TTF2: variants seen among roughly 807,000 people sequenced by gnomAD.
TTF2 encodes the protein transcription termination factor 2, also known as RNA polymerase II termination factor.
TTF2 carries 108 observed loss-of-function variants against 142.4 expected under a neutral mutation model. That is an observed-to-expected ratio of 0.76 (90% CI 0.65 to 0.89). TTF2 has a LOEUF of 0.89. TTF2 is among the 40% of genes least tolerant of loss of function. The pLI is 0.00. For missense variants in TTF2, 1,327 were observed against 1,379.8 expected (o/e 0.96, Z 0.61); for synonymous variants, 483 against 506.2 (o/e 0.95, Z 0.61).
In TTF2 at chr1:117,102,765, G is replaced by A. The variant is rs1365165847; in HGVS notation, c.*1241G>A. On this transcript the variant is annotated 3_prime_UTR_variant, in exon 23 of 23. Coordinates refer to ENST00000369466, the MANE Select transcript of TTF2 (RefSeq NM_003594.4). ...CAATCCAATACTAATAATACTATTG[G>A]TACAATCCAATACTAATAATACTAT... 6.7e-6 allele frequency: 1 copy of A among 150,316 alleles called. No homozygotes were observed. Among genetic ancestry groups the A allele is most frequent in the African/African-American group, 2.5e-5 (1 of 39,972 alleles). 9.3% of individuals were successfully genotyped at this position (150,316 alleles called of 1,614,324 possible). A position where few individuals can be genotyped will look rare whatever the true frequency, so the allele number is the denominator to read the frequency against.
chr1:117,101,040 C>T lies in TTF2; in HGVS notation c.3345-340C>T, dbSNP rs559804777. On this transcript the variant is annotated intron_variant, in intron 22 of 22. Coordinates refer to ENST00000369466, the MANE Select transcript of TTF2 (RefSeq NM_003594.4). The surrounding 1 kb of genome is among the most constrained non-coding windows in gnomAD (Gnocchi z 5.9). ...CTTAAACTAGCAGAAATTTGATAAC[C>T]TTTGAGGCCTTATGGACTTACCAAG... Among the ~76,000 whole-genome samples the T allele has an allele frequency of 8.7e-4, 132 of 152,268 alleles. No homozygotes were observed. The Middle Eastern group carries it at 0.014, about 16-fold the overall frequency.
Position 117,090,612 on chromosome 1 carries a change from T to G in TTF2, c.2577T>G (p.Phe859Leu), listed in dbSNP as rs569878585. The G allele has an allele frequency of 6.2e-7, 1 of 1,613,960 alleles. No homozygotes were observed. The highest frequency in any genetic ancestry group is 1.1e-5 in the South Asian group (1 of 91,018). ...AAGAGACTGTTTACAATGTGTTTTT[T>G]GCAAGATCAAGGTGTGTGTATTAAA... ...EDEETVYNVF[F>L]ARSRSALQSY... Residue 859 changes from phenylalanine (F) to leucine (L), a missense_variant, in exon 15 of 23, where the codon TTT (phenylalanine) becomes TTG (leucine). Coordinates refer to ENST00000369466, the MANE Select transcript of TTF2 (RefSeq NM_003594.4). This position sits in a 1 kb window ranked among gnomAD's most constrained non-coding sequence, Gnocchi z 4.8.
intron 10 of TTF2, 80 bp downstream of exon 10, chr1:117,082,027 A>T: frequency 1.9e-6 from 3 of 1,600,710 alleles, no homozygotes; most frequent in Non-Finnish European, 2.6e-6. Context: ...CAGCTAAAAA[A>T]GGACACCTTT....
At position 117,080,308 on chromosome 1, in the gene TTF2, G is replaced by A. The variant is rs746815981; in HGVS notation, c.1783+659G>A. 3.3e-5 allele frequency among the ~76,000 whole-genome samples: 5 copies of A among 151,930 alleles called. No homozygotes were observed. The highest frequency in any genetic ancestry group is 5.9e-5 in the Non-Finnish European group (4 of 67,956). On this transcript the variant is annotated intron_variant, in intron 9 of 22. Coordinates refer to ENST00000369466, the MANE Select transcript of TTF2 (RefSeq NM_003594.4). The surrounding 1 kb of genome is among the most constrained non-coding windows in gnomAD (Gnocchi z 4.3). ...ATTACAGGCATGAGCCACTACACCTGGCCTAAAAGTAGTCTATAAAAAGCA... is the reference window on the plus strand; with the variant it reads ...ATTACAGGCATGAGCCACTACACCTAGCCTAAAAGTAGTCTATAAAAAGCA...
chr1:117,088,460 C>A (rs1246501078), intron 12 of TTF2, among the ~76,000 whole-genome samples: 2 of 152,154 alleles, frequency 1.3e-5, no homozygotes, highest in Non-Finnish European at 2.9e-5. Flanking sequence ...TGGCGTGAAG[C>A]CCGGAGGCGG....
At position 117,090,217 on chromosome 1, in the gene TTF2, GT is replaced by G; in HGVS notation, c.2496+12del. 1 of 1,613,214 alleles carries G rather than the reference GT, an allele frequency of 6.2e-7. No homozygotes were observed. Among genetic ancestry groups the G allele is most frequent in the East Asian group, 2.2e-5 (1 of 44,866 alleles). On this transcript the variant is annotated intron_variant, in intron 14 of 22. Transcript: ENST00000369466. This position sits in a 1 kb window ranked among gnomAD's most constrained non-coding sequence, Gnocchi z 4.8. ...CTACTGGCAGACCTTTGGTAATCAA[GT>G]TTGTACCTGTCCCTGGGGGAGGCCA...
At chr1:117,077,279 A>G (rs772882102) in intron 7 of TTF2, among the ~76,000 whole-genome samples, 20 of 152,302 alleles carry the variant, frequency 1.3e-4, no homozygotes, top group African/African-American at 2.4e-4. Context: ...TTGCCCATAT[A>G]ATAAAGATTG....
rs146722231 is a variant in TTF2 at position 117,104,809 on chromosome 1, T to C, written c.*3285T>C. 30 of 152,198 alleles carry C rather than the reference T, an allele frequency of 2.0e-4. No individual in the cohort carries two copies. The highest frequency in any genetic ancestry group is 7.2e-4 in the African/African-American group (30 of 41,510). The allele number at this position is 152,198 out of a possible 1,614,324, so 9.4% of individuals were successfully genotyped here. ...TGGGGGTTAGGCTGGGTTTGTTTGG[T>C]TTTTTTTGTTTTGTCCTCATGAGGC... On this transcript the variant is annotated 3_prime_UTR_variant, in exon 23 of 23. Transcript: ENST00000369466.
In TTF2 at chr1:117,075,311, A is replaced by G. The variant is rs1656901040; in HGVS notation, c.727A>G (p.Lys243Glu). The change falls in exon 5 of 23, where the codon AAG (lysine) becomes GAG (glutamate). Residue 243 changes from lysine (K) to glutamate (E), a missense_variant. Coordinates refer to ENST00000369466, the MANE Select transcript of TTF2 (RefSeq NM_003594.4). The surrounding 1 kb of genome is among the most constrained non-coding windows in gnomAD (Gnocchi z 4.5). The stretch of plus-strand genomic sequence containing the variant: ...ATCTTCTCAGGAGAAATCAAGTGGT[A>G]AGAGTCAAGATGTCCAAAGAGAATC... ...SASSQEKSSG[K>E]SQDVQRESEP... 3 of 1,614,214 alleles carry G rather than the reference A, an allele frequency of 1.9e-6. No homozygotes were observed. Among genetic ancestry groups the G allele is most frequent in the South Asian group, 1.1e-5 (1 of 91,084 alleles).
At chr1:117,094,392 G>T (rs918024589) in intron 18 of TTF2, among the ~76,000 whole-genome samples, 2 of 152,054 alleles carry the variant, frequency 1.3e-5, no homozygotes, top group African/African-American at 4.8e-5. Context: ...GCCCTTAGAG[G>T]CTCTTGAAAG....
At position 117,101,659 on chromosome 1, in the gene TTF2, A is replaced by C; in HGVS notation, c.*135A>C. 2 of 958,892 alleles carry C rather than the reference A, an allele frequency of 2.1e-6. No homozygotes were observed. The highest frequency in any genetic ancestry group is 1.7e-5 in the African/African-American group (1 of 59,946). The allele number at this position is 958,892 out of a possible 1,614,324, so 59.4% of individuals were successfully genotyped here. On this transcript the variant is annotated 3_prime_UTR_variant, in exon 23 of 23. Coordinates refer to ENST00000369466, the MANE Select transcript of TTF2 (RefSeq NM_003594.4). The surrounding 1 kb of genome is among the most constrained non-coding windows in gnomAD (Gnocchi z 5.9). The stretch of plus-strand genomic sequence containing the variant: ...CCGTCAAGCCTTTCACCTTCCTCAA[A>C]ATGAGGCATAATCTTATCCCCAGAA...
In TTF2 at chr1:117,070,148, G is replaced by A. The variant is rs776082387; in HGVS notation, c.219-3513G>A. Among the ~76,000 whole-genome samples, 6 of 152,218 alleles carry A rather than the reference G, an allele frequency of 3.9e-5. No homozygotes were observed. Among genetic ancestry groups the A allele is most frequent in the Non-Finnish European group, 7.3e-5 (5 of 68,038 alleles). On this transcript the variant is annotated intron_variant, in intron 3 of 22. Coordinates refer to ENST00000369466, the MANE Select transcript of TTF2 (RefSeq NM_003594.4). This position sits in a 1 kb window ranked among gnomAD's most constrained non-coding sequence, Gnocchi z 4.2. ...GCCTAGCACATAGCAGATGTTCAGT[G>A]TGTTTCTTTCCTTAGTTCTGCAAAT...
At position 117,078,041 on chromosome 1, in the gene TTF2, A is replaced by G. The variant is rs756707886; in HGVS notation, c.1699A>G (p.Lys567Glu). The change falls in exon 8 of 23, where the codon AAG (lysine) becomes GAG (glutamate). Residue 567 changes from lysine (K) to glutamate (E), a missense_variant and splice_region_variant. Physicochemically the swap from Lys to Glu is moderately conservative, Grantham distance 56. Transcript: ENST00000369466. ...TGTGGCAGAAGATCCCGCCGGGCTG[A>G]AGGTGAGCCAGGGAAGACTCCTGGT... is the stretch of plus-strand genomic sequence containing the variant. Reference protein sequence around the residue: ...TVVAEDPAGLKVPLLLHQKQA... With the variant: ...TVVAEDPAGLEVPLLLHQKQA... 1 of 1,613,768 alleles carries G rather than the reference A, an allele frequency of 6.2e-7. No homozygotes were observed. The highest frequency in any genetic ancestry group is 1.1e-5 in the South Asian group (1 of 91,056).
rs1650016527 is a variant in TTF2 at position 117,107,305 on chromosome 1, T to C, written c.*5781T>C. 6.6e-6 allele frequency: 1 copy of C among 152,268 alleles called. No individual in the cohort carries two copies. The highest frequency in any genetic ancestry group is 2.4e-5 in the African/African-American group (1 of 41,466). 9.4% of individuals were successfully genotyped at this position (152,268 alleles called of 1,614,324 possible). ...ACTTTAAATATTTGTAACAGAATTG[T>C]TACCATTAATATTGCTTAAAGGCTA... On this transcript the variant is annotated 3_prime_UTR_variant, in exon 23 of 23. Transcript: ENST00000369466.
At chr1:117,094,472 C>T (rs937564537) in intron 18 of TTF2, among the ~76,000 whole-genome samples, 2 of 152,160 alleles carry the variant, frequency 1.3e-5, no homozygotes, top group African/African-American at 4.8e-5. Context: ...CGTGTTCTTA[C>T]TGACAGCTCC....
intron 3 of TTF2, among the ~76,000 whole-genome samples, chr1:117,065,959 A>G (rs1485826858): frequency 6.7e-6 from 1 of 149,872 alleles, no homozygotes; most frequent in Non-Finnish European, 1.5e-5. Context: ...CACTGAAATA[A>G]TAGCTACCAT....
chr1:117,083,736 A>G (rs112082078), intron 10 of TTF2, among the ~76,000 whole-genome samples: 5 of 152,192 alleles, frequency 3.3e-5, no homozygotes, highest in African/African-American at 1.2e-4. Flanking sequence ...CTACTTCACT[A>G]TAGGCTCTGT....
At chr1:117,062,533 G>A in intron 3 of TTF2, 60 bp downstream of exon 3, 1 of 1,490,488 alleles carries the variant, frequency 6.7e-7, no homozygotes, top group African/African-American at 1.4e-5. Flanking sequence ...CTCCCTGAAA[G>A]AGTTGTAGCC....
Position 117,073,959 on chromosome 1 carries a change from A to G in TTF2, c.285+232A>G, listed in dbSNP as rs1418892061. Among the ~76,000 whole-genome samples the G allele has an allele frequency of 2.6e-5, 4 of 152,200 alleles. No homozygotes were observed. Among genetic ancestry groups the G allele is most frequent in the African/African-American group, 9.7e-5 (4 of 41,442 alleles). ...TATTTCACTTAGTAAATATTTTTTG[A>G]GGTCTTAAATGTAGTCAGTATTCTT... On this transcript the variant is annotated intron_variant, in intron 4 of 22. Coordinates refer to ENST00000369466, the MANE Select transcript of TTF2 (RefSeq NM_003594.4). The surrounding 1 kb of genome is among the most constrained non-coding windows in gnomAD (Gnocchi z 4.4).
Sources: allele counts gnomAD v4.1 joint callset (sites outside exome capture counted in the v4.1 genomes callset), GRCh38; gene constraint gnomAD v4.1.1; non-coding constraint Gnocchi (gnomAD v3.1); transcripts MANE v1.5; gene names NCBI Gene and HGNC (gene_info 2026-07-23, HGNC 2026-07-21).